Variants in NIPAL2 observed in about 807,000 individuals in gnomAD.
NIPAL2 encodes NIPA like domain containing 2, also known as NIPA-like protein 2.
NIPAL2 carries 43 observed loss-of-function variants against 48.9 expected under a neutral mutation model. That is an observed-to-expected ratio of 0.88 (90% CI 0.69 to 1.13). NIPAL2 has a LOEUF of 1.13. Ranked by LOEUF, NIPAL2 falls within the 50% of genes most tolerant of loss-of-function variation. The probability of loss-of-function intolerance (pLI) is 0.00; values close to 1 mark genes in which losing one functional copy is unlikely to be tolerated. For missense variants in NIPAL2, 446 were observed against 461.4 expected (o/e 0.97, Z 0.31); for synonymous variants, 167 against 174.6 (o/e 0.96, Z 0.34).
At chr8:98,198,306 G>A (rs988580975) in intron 8 of NIPAL2, among the ~76,000 whole-genome samples, 3 of 152,206 alleles carry the variant, frequency 2.0e-5, no homozygotes, top group African/African-American at 7.2e-5. Flanking sequence ...CAGATGTGTT[G>A]TTATCCAGGC....
Position 98,236,192 on chromosome 8 carries a change from T to C in NIPAL2, c.399A>G (p.Thr133=), listed in dbSNP as rs759268341. Reference sequence around the variant, plus strand: ...AGGCTCTCAAATTGTCTTTCAGAAATGTAACAGAAATAATGGCACTACCTA... The same window carrying C: ...AGGCTCTCAAATTGTCTTTCAGAAACGTAACAGAAATAATGGCACTACCTA... ...SVTGSAIISV[T]FLKDNLRASD... Residue 133 remains threonine (T), a synonymous_variant, in exon 4 of 11, where the codon ACA becomes ACG. Transcript: ENST00000430223. The C allele has an allele frequency of 5.6e-6, 9 of 1,604,094 alleles. No homozygotes were observed. In the African/African-American group the frequency reaches 9.4e-5, roughly 17 times the overall value.
intron 1 of NIPAL2, among the ~76,000 whole-genome samples, chr8:98,268,394 G>A (rs945442720): frequency 6.6e-6 from 1 of 152,140 alleles, no homozygotes; most frequent in African/African-American, 2.4e-5. Context: ...GCTGAGGTGG[G>A]CAGATCACTT....
intron 8 of NIPAL2, among the ~76,000 whole-genome samples, chr8:98,199,863 T>G (rs185967570): frequency 1.3e-3 from 192 of 152,202 alleles, no homozygotes; most frequent in African/African-American, 4.4e-3. Flanking sequence ...TTCCCAGGTA[T>G]TTTATGAATT....
chr8:98,235,614 TG>T (rs1812668355), intron 4 of NIPAL2, among the ~76,000 whole-genome samples: 1 of 152,034 alleles, frequency 6.6e-6, no homozygotes, highest in East Asian at 1.9e-4. Flanking sequence ...TTGAATTTTA[TG>T]GTGTTCATAA....
chr8:98,259,224 G>A (rs971596651), intron 1 of NIPAL2, among the ~76,000 whole-genome samples: 7 of 150,262 alleles, frequency 4.7e-5, no homozygotes, highest in South Asian at 4.2e-4. Context: ...CTACAGGCGC[G>A]CGCCACCATG....
chr8:98,231,863 CAG>C (rs1812456975), intron 4 of NIPAL2: 1 of 152,094 alleles, frequency 6.6e-6, no homozygotes, highest in Non-Finnish European at 1.5e-5. Flanking sequence ...TTGCTTGAAA[CAG>C]AGAAAAATAA....
intron 1 of NIPAL2, among the ~76,000 whole-genome samples, chr8:98,274,255 A>G (rs945892735): frequency 6.6e-6 from 1 of 151,320 alleles, no homozygotes; most frequent in African/African-American, 2.4e-5. Flanking sequence ...TCTATCATCT[A>G]TCTATCTATC....
chr8:98,214,455 C>T (rs921648602), intron 5 of NIPAL2, among the ~76,000 whole-genome samples: 2 of 152,198 alleles, frequency 1.3e-5, no homozygotes, highest in African/African-American at 4.8e-5. Context: ...TGAGCCACCG[C>T]ACCCGGCCCA....
intron 4 of NIPAL2, among the ~76,000 whole-genome samples, chr8:98,226,676 T>A (rs1386392626): frequency 6.6e-6 from 1 of 152,156 alleles, no homozygotes; most frequent in Non-Finnish European, 1.5e-5. Context: ...CAAGCACCCC[T>A]GTGGCCACTC....
chr8:98,218,824 T>C (rs1318322440), intron 5 of NIPAL2, among the ~76,000 whole-genome samples: 5 of 152,128 alleles, frequency 3.3e-5, no homozygotes, highest in African/African-American at 1.2e-4. Context: ...GGCAGACAGG[T>C]ACAACAGCAC....
At chr8:98,194,906 A>G (rs1014565442) in intron 9 of NIPAL2, 84 bp from the exon 10 acceptor site, 7 of 723,452 alleles carry the variant, frequency 9.7e-6, no homozygotes, top group Admixed American at 3.5e-5. Flanking sequence ...ATTCTACATG[A>G]TGACATAAAT....
chr8:98,216,929 G>C (rs1482136098), intron 5 of NIPAL2: 1 of 541,114 alleles, frequency 1.8e-6, no homozygotes, highest in African/African-American at 2.1e-5. Context: ...TGGGCATGTA[G>C]GATTAACAAA....
At chr8:98,201,905 G>A (rs1470061533) in intron 8 of NIPAL2, among the ~76,000 whole-genome samples, 2 of 152,092 alleles carry the variant, frequency 1.3e-5, no homozygotes, top group African/African-American at 4.8e-5. Flanking sequence ...AAAAAAATGT[G>A]CCAGTTAGGA....
intron 4 of NIPAL2, among the ~76,000 whole-genome samples, chr8:98,228,523 C>T (rs1812287798): frequency 1.3e-5 from 2 of 152,180 alleles, no homozygotes; most frequent in Admixed American, 6.5e-5. Flanking sequence ...TCAGTTTCCT[C>T]ATCTCTAGGT....
intron 1 of NIPAL2, among the ~76,000 whole-genome samples, chr8:98,285,605 T>A (rs921121778): frequency 6.6e-6 from 1 of 152,140 alleles, no homozygotes; most frequent in Admixed American, 6.5e-5. Flanking sequence ...AACTGAGCAT[T>A]CACCATATTT....
chr8:98,266,097 A>C (rs1814712057), intron 1 of NIPAL2, among the ~76,000 whole-genome samples: 1 of 129,414 alleles, frequency 7.7e-6, no homozygotes, highest in Non-Finnish European at 1.6e-5. Context: ...TCACATGGAC[A>C]CAGGAAGGGG....
chr8:98,284,648 C>T (rs1816053780), intron 1 of NIPAL2, among the ~76,000 whole-genome samples: 2 of 152,084 alleles, frequency 1.3e-5, no homozygotes, highest in African/African-American at 4.8e-5. Context: ...ACAATGCAGA[C>T]AGCCCCAAAA....
chr8:98,235,704 T>C (rs1432809793), intron 4 of NIPAL2, among the ~76,000 whole-genome samples: 2 of 151,596 alleles, frequency 1.3e-5, no homozygotes, highest in African/African-American at 2.4e-5. Context: ...TAGTGTCACA[T>C]TTAGAGCTCA....
intron 1 of NIPAL2, among the ~76,000 whole-genome samples, chr8:98,269,251 G>A (rs1294652319): frequency 6.6e-6 from 1 of 152,206 alleles, no homozygotes; most frequent in East Asian, 1.9e-4. Flanking sequence ...AAAGGCATAT[G>A]GAATGGTGAA....
Sources: gnomAD v4.1 joint callset for allele counts (sites outside exome capture counted in the v4.1 genomes callset) on GRCh38, gnomAD v4.1.1 for gene constraint, MANE v1.5 for transcripts, NCBI Gene and HGNC (gene_info 2026-07-23, HGNC 2026-07-21) for gene names.